Variants in KAZN observed in about 807,000 individuals in gnomAD.
The protein encoded by KAZN is kazrin, periplakin interacting protein, also known as kazrin.
In KAZN, 40 loss-of-function variants were observed where a neutral mutation model predicts 87.4. The ratio of observed to expected loss-of-function variants is 0.46; its 90% CI spans 0.36 to 0.60. The LOEUF (loss-of-function observed/expected upper bound fraction) is 0.60. Ranked by LOEUF, KAZN falls within the 20% of genes least tolerant of loss-of-function variation. The pLI is 0.00. For synonymous variants in KAZN, 466 were observed against 458.3 expected (o/e 1.02, Z -0.22); for missense variants, 898 against 1,073.9 (o/e 0.84, Z 2.29).
chr1:14,051,846 C>T (rs1300924482), intron 1 of KAZN, among the ~76,000 whole-genome samples: 4 of 152,044 alleles, frequency 2.6e-5, no homozygotes, highest in Admixed American at 2.6e-4. Flanking sequence ...TCTCAAAAAA[C>T]CAACCAACCA....
At chr1:14,538,313 A>G (rs1672616809) in intron 2 of KAZN, among the ~76,000 whole-genome samples, 1 of 152,240 alleles carries the variant, frequency 6.6e-6, no homozygotes, top group Non-Finnish European at 1.5e-5. Context: ...GTATGATAAA[A>G]CATCTCACTA....
intron 2 of KAZN, among the ~76,000 whole-genome samples, chr1:14,318,895 C>T (rs1655841122): frequency 6.6e-6 from 1 of 151,824 alleles, no homozygotes; most frequent in South Asian, 2.1e-4. Flanking sequence ...TATATTTTAT[C>T]ATTATGTTCA....
chr1:14,232,729 CCT>C (rs1286801102), intron 2 of KAZN, among the ~76,000 whole-genome samples: 1 of 152,092 alleles, frequency 6.6e-6, no homozygotes, highest in Non-Finnish European at 1.5e-5. Context: ...TCACTTTTCC[CCT>C]CTTATAATTA....
intron 1 of KAZN, among the ~76,000 whole-genome samples, chr1:14,097,532 A>G (rs1028365565): frequency 1.3e-5 from 2 of 152,212 alleles, no homozygotes; most frequent in Non-Finnish European, 2.9e-5. Flanking sequence ...AAGGATTTCT[A>G]TCTACCTGAA....
intron 2 of KAZN, among the ~76,000 whole-genome samples, chr1:14,423,173 A>C (rs1374101334): frequency 6.6e-6 from 1 of 152,104 alleles, no homozygotes; most frequent in Non-Finnish European, 1.5e-5. Flanking sequence ...TTTGAGAAAC[A>C]TTGTCTTGAT....
chr1:14,643,500 C>A (rs954692721), intron 1 of KAZN, among the ~76,000 whole-genome samples: 7 of 152,174 alleles, frequency 4.6e-5, no homozygotes, highest in African/African-American at 1.4e-4. Flanking sequence ...AAGACATGAT[C>A]TCGTTTTTTA....
chr1:14,758,856 G>T (rs929257322), intron 1 of KAZN, among the ~76,000 whole-genome samples: 9 of 151,988 alleles, frequency 5.9e-5, no homozygotes, highest in Admixed American at 1.3e-4. Context: ...GCTTTGCATG[G>T]GTTACTCTTC....
chr1:14,434,282 C>T (rs1666252825), intron 2 of KAZN, among the ~76,000 whole-genome samples: 1 of 152,194 alleles, frequency 6.6e-6, no homozygotes, highest in Non-Finnish European at 1.5e-5. Context: ...CGCCCCCTCC[C>T]TTCTCTCATG....
chr1:14,304,703 C>T (rs371155209), intron 2 of KAZN: 25 of 398,082 alleles, frequency 6.3e-5, no homozygotes, highest in East Asian at 2.5e-4. Context: ...ATCTGAGTTT[C>T]GTATAACCAC....
chr1:14,165,727 G>A (rs1486916715), intron 1 of KAZN, among the ~76,000 whole-genome samples: 1 of 152,174 alleles, frequency 6.6e-6, no homozygotes, highest in Non-Finnish European at 1.5e-5. Flanking sequence ...TCTCACCCCT[G>A]AGCAAGAACT....
chr1:14,302,200 G>C (rs1654603762), intron 2 of KAZN, among the ~76,000 whole-genome samples: 1 of 152,198 alleles, frequency 6.6e-6, no homozygotes, highest in Non-Finnish European at 1.5e-5. Flanking sequence ...AAATGCTATG[G>C]TTGTAATGAA....
Position 14,147,768 on chromosome 1 carries a change from C to G in KAZN, c.92-32667C>G, listed in dbSNP as rs926609330. 2.8e-4 allele frequency among the ~76,000 whole-genome samples: 42 copies of G among 151,344 alleles called. 1 individual carries two copies. Among genetic ancestry groups the G allele is most frequent in the Admixed American group, 1.2e-3 (18 of 15,220 alleles). On this transcript the variant is annotated intron_variant, in intron 1 of 16. Transcript: ENST00000636203. The stretch of plus-strand genomic sequence containing the variant: ...CCGAGATCGCGCCACTGCACTCCAG[C>G]CTGGCGACAGAGCAAGACTCCATCT...
At chr1:14,787,602 C>T (rs959266759) in intron 1 of KAZN, among the ~76,000 whole-genome samples, 2 of 152,192 alleles carry the variant, frequency 1.3e-5, no homozygotes, top group African/African-American at 4.8e-5. Context: ...TTAATGTTGG[C>T]CATTACAATT....
intron 10 of KAZN, among the ~76,000 whole-genome samples, chr1:15,100,916 C>T (rs138182200): frequency 1.3e-5 from 2 of 152,052 alleles, no homozygotes; most frequent in African/African-American, 2.4e-5. Context: ...GGGAGGGATG[C>T]GCCGATCAGG....
chr1:15,048,876 C>T (rs1236568522), intron 4 of KAZN, among the ~76,000 whole-genome samples: 9 of 150,740 alleles, frequency 6.0e-5, no homozygotes, highest in Non-Finnish European at 1.0e-4. Context: ...GGTCCTGGGT[C>T]GTTGGTCCTG....
chr1:14,576,017 C>A (rs1675156060), intron 2 of KAZN, among the ~76,000 whole-genome samples: 1 of 152,056 alleles, frequency 6.6e-6, no homozygotes, highest in Admixed American at 6.6e-5. Flanking sequence ...TTTGACAATT[C>A]CGATTCTTAC....
At position 14,007,798 on chromosome 1, in the gene KAZN, C is replaced by T. The variant is rs116346626; in HGVS notation, c.91+114042C>T. ...TGTTCTACTTGCTGTTACAAATCAG[C>T]AGGTTTAACAGACGCTGTCCGATAA... is the stretch of plus-strand genomic sequence containing the variant. On this transcript the variant is annotated intron_variant, in intron 1 of 16. Coordinates refer to the KAZN transcript ENST00000636203. Among the ~76,000 whole-genome samples the T allele has an allele frequency of 8.3e-3, 1,258 of 152,194 alleles. 24 individuals are homozygous for T. Among genetic ancestry groups the T allele is most frequent in the African/African-American group, 0.029 (1,214 of 41,510 alleles).
intron 1 of KAZN, among the ~76,000 whole-genome samples, chr1:14,823,720 A>AG (rs1390426323): frequency 6.6e-6 from 1 of 152,146 alleles, no homozygotes; most frequent in Non-Finnish European, 1.5e-5. Context: ...GAAGCCCAGA[A>AG]GGGGAGGTCC....
chr1:15,044,059 G>A lies in KAZN; in HGVS notation c.626G>A (p.Arg209Gln), dbSNP rs143008371. The change falls in exon 4 of 15, where the codon CGG (arginine) becomes CAG (glutamine). Residue 209 changes from arginine (R) to glutamine (Q), a missense_variant. Around this residue, in one of 3 missense-constraint regions of KAZN, gnomAD observed 521 missense variants for 689.4 expected, o/e 0.76. Coordinates refer to ENST00000376030, the MANE Select transcript of KAZN (RefSeq NM_201628.3). ...CTGGAGCGTGAGAAGTGGGAGCTGCGGCGCCAAGCCAAGGAGGCCACAGAC... is the reference window on the plus strand; with the variant it reads ...CTGGAGCGTGAGAAGTGGGAGCTGCAGCGCCAAGCCAAGGAGGCCACAGAC... ...DLLEREKWEL[R>Q]RQAKEATDHA... The A allele has an allele frequency of 4.6e-4, 737 of 1,612,584 alleles. 3 individuals are homozygous for A. Among genetic ancestry groups the A allele is most frequent in the Admixed American group, 2.0e-4 (12 of 59,978 alleles).
Sources: allele counts gnomAD v4.1 joint callset (sites outside exome capture counted in the v4.1 genomes callset), GRCh38; gene constraint gnomAD v4.1.1; regional missense constraint gnomAD v4.1.1; transcripts MANE v1.5; gene names NCBI Gene and HGNC (gene_info 2026-07-23, HGNC 2026-07-21).